MAP2K4: variants seen among roughly 807,000 people sequenced by gnomAD.
MAP2K4 encodes mitogen-activated protein kinase kinase 4.
A neutral mutation model predicts 48.5 loss-of-function variants in MAP2K4; 4 were observed. That is an observed-to-expected ratio of 0.08 (90% CI 0.04 to 0.19). The LOEUF (loss-of-function observed/expected upper bound fraction) is 0.19, where lower values mean the gene tolerates loss of function less well. MAP2K4 is among the 10% of genes least tolerant of loss of function. The pLI is 1.00. For synonymous variants in MAP2K4, 166 were observed against 173.1 expected, an observed-to-expected ratio of 0.96 and a Z score of 0.32; for missense variants, 258 against 493.3, an observed-to-expected ratio of 0.52 and a Z score of 4.52.
At chr17:12,046,499 C>A (rs1029910225) in intron 1 of MAP2K4, among the ~76,000 whole-genome samples, 2 of 152,054 alleles carry the variant, frequency 1.3e-5, no homozygotes, top group Non-Finnish European at 2.9e-5. Context: ...TTCAATTTAG[C>A]CTGTGGAATT....
intron 7 of MAP2K4, 123 bp from the exon 8 acceptor site, chr17:12,125,171 C>T (rs1207032993): frequency 1.7e-5 from 12 of 706,874 alleles, no homozygotes; most frequent in African/African-American, 5.2e-5. Flanking sequence ...TCCATTCTGA[C>T]GCTAGACATG....
intron 1 of MAP2K4, among the ~76,000 whole-genome samples, chr17:12,043,807 C>T (rs1011288745): frequency 6.6e-6 from 1 of 152,074 alleles, no homozygotes; most frequent in South Asian, 2.1e-4. Flanking sequence ...GCTCCCCGAA[C>T]CCTATTGTTA....
Position 12,020,894 on chromosome 17 carries a change from C to G in MAP2K4, c.8C>G (p.Ala3Gly), listed in dbSNP as rs2151500773. The G allele has an allele frequency of 8.3e-7, 1 of 1,209,728 alleles. No individual in the cohort carries two copies. Among genetic ancestry groups the G allele is most frequent in the Non-Finnish European group, 1.0e-6 (1 of 973,144 alleles). The allele number at this position is 1,209,728 out of a possible 1,614,324, so 74.9% of individuals were successfully genotyped here. ...GGCTCTTCACTCCCAACAATGGCGG[C>G]TCCGAGCCCGAGCGGCGGCGGCGGC... MA[A>G]PSPSGGGGSG... is the part of the protein sequence containing the mutation. Residue 3 changes from alanine to glycine, a missense_variant, in exon 1 of 11, where the codon GCT becomes GGT. Physicochemically the swap from Ala to Gly is moderately conservative, Grantham distance 60. Around this residue, in one of 3 missense-constraint regions of MAP2K4, gnomAD observed 69 missense variants for 56.2 expected, o/e 1.23. Coordinates refer to ENST00000353533, the MANE Select transcript of MAP2K4 (RefSeq NM_003010.4).
rs146476361 is a variant in MAP2K4, at chr17:12,082,932, A to G, written c.393+1402A>G. Among the ~76,000 whole-genome samples, 233 of 152,336 alleles carry G rather than the reference A, an allele frequency of 1.5e-3. 2 individuals are homozygous for G. The highest frequency in any genetic ancestry group is 3.4e-3 in the Middle Eastern group (1 of 294). ...TTTTGTGCCACTGCAGTGTAAGTGGAAAGAGTCATTTTATTTAGACTCCTG... is the reference window on the plus strand; with the variant it reads ...TTTTGTGCCACTGCAGTGTAAGTGGGAAGAGTCATTTTATTTAGACTCCTG... On this transcript the variant is annotated intron_variant, in intron 3 of 10. Transcript: ENST00000353533.
chr17:12,038,176 G>A (rs1187212670), intron 1 of MAP2K4, among the ~76,000 whole-genome samples: 4 of 152,118 alleles, frequency 2.6e-5, no homozygotes, highest in African/African-American at 9.7e-5. Flanking sequence ...CGTTTCCAGA[G>A]AGTATTCCCA....
At chr17:12,096,611 A>G (rs1185397470) in intron 4 of MAP2K4, among the ~76,000 whole-genome samples, 1 of 152,220 alleles carries the variant, frequency 6.6e-6, no homozygotes, top group African/African-American at 2.4e-5. Flanking sequence ...ATAAACTGGT[A>G]AGAAAAACCC....
chr17:12,119,031 T>C (rs1376052136), intron 7 of MAP2K4, among the ~76,000 whole-genome samples: 1 of 152,234 alleles, frequency 6.6e-6, no homozygotes, highest in East Asian at 1.9e-4. Flanking sequence ...TATTATCAAA[T>C]TAATGAAGCT....
At chr17:12,078,516 A>G (rs1189900027) in intron 2 of MAP2K4, among the ~76,000 whole-genome samples, 1 of 152,190 alleles carries the variant, frequency 6.6e-6, no homozygotes, top group East Asian at 1.9e-4. Context: ...TTGTGTTACA[A>G]ACAATCCAAT....
intron 1 of MAP2K4, among the ~76,000 whole-genome samples, chr17:12,052,041 C>T (rs1440776879): frequency 6.6e-6 from 1 of 152,028 alleles, no homozygotes; most frequent in African/African-American, 2.4e-5. Flanking sequence ...TGGGGCCTTC[C>T]TTTTCCTCCT....
rs2151561633 is a variant in MAP2K4 at position 12,095,582 on chromosome 17, G to A, written c.401G>A (p.Arg134Gln). Residue 134 changes from arginine to glutamine, a missense_variant, in exon 4 of 11, where the codon CGG becomes CAG. Around this residue, in one of 3 missense-constraint regions of MAP2K4, gnomAD observed 132 missense variants for 352.8 expected, o/e 0.37. Coordinates refer to ENST00000353533, the MANE Select transcript of MAP2K4 (RefSeq NM_003010.4). ...TTTGTCATTCTTTTCCAGAGAATTC[G>A]GTCAACAGTGGATGAAAAAGAACAA... ...SGQIMAVKRI[R>Q]STVDEKEQKQ... 1 of 1,613,506 alleles carries A rather than the reference G, an allele frequency of 6.2e-7. No individual in the cohort carries two copies. The highest frequency in any genetic ancestry group is 8.5e-7 in the Non-Finnish European group (1 of 1,179,790).
chr17:12,050,686 A>C (rs747425515), intron 1 of MAP2K4, among the ~76,000 whole-genome samples: 12 of 152,178 alleles, frequency 7.9e-5, no homozygotes, highest in Admixed American at 3.3e-4. Flanking sequence ...AGCAATGTTA[A>C]AAAGGTTTGT....
At position 12,020,926 on chromosome 17, in the gene MAP2K4, GGCGGCA is replaced by G. The variant is rs1367433209; in HGVS notation, c.53_58del (p.Ser18_Gly19del). 50 of 1,217,864 alleles carry G rather than the reference GGCGGCA, an allele frequency of 4.1e-5. No homozygotes were observed. The highest frequency in any genetic ancestry group is 1.7e-4 in the Admixed American group (4 of 23,110). The allele number at this position is 1,217,864 out of a possible 1,614,324, so 75.4% of individuals were successfully genotyped here. On this transcript the variant is annotated inframe_deletion, in exon 1 of 11. Transcript: ENST00000353533. ...CCCGAGCGGCGGCGGCGGCTCCGGG[GGCGGCA>G]GCGGCAGCGGCACCCCCGGCCCCGT...
intron 1 of MAP2K4, among the ~76,000 whole-genome samples, chr17:12,034,255 GCT>G (rs1490995211): frequency 6.6e-6 from 1 of 152,134 alleles, no homozygotes; most frequent in Non-Finnish European, 1.5e-5. Flanking sequence ...CTTCTAAATG[GCT>G]CTGTTTTTGT....
chr17:12,020,970 G>T lies in MAP2K4; in HGVS notation c.84G>T (p.Ala28=). Residue 28 remains alanine (A), a synonymous_variant, in exon 1 of 11, where the codon GCG becomes GCT. Coordinates refer to ENST00000353533, the MANE Select transcript of MAP2K4 (RefSeq NM_003010.4). ...CCCCCGGCCCCGTAGGGTCCCCGGCGCCAGGCCACCCGGCCGTCAGCAGCA... is the reference window on the plus strand; with the variant it reads ...CCCCCGGCCCCGTAGGGTCCCCGGCTCCAGGCCACCCGGCCGTCAGCAGCA... The part of the protein sequence containing the change: ...SGTPGPVGSP[A]PGHPAVSSMQ... 1 of 1,213,162 alleles carries T rather than the reference G, an allele frequency of 8.2e-7. No individual in the cohort carries two copies. The highest frequency in any genetic ancestry group is 1.6e-5 in the African/African-American group (1 of 63,628). The allele number at this position is 1,213,162 out of a possible 1,614,324, so 75.1% of individuals were successfully genotyped here. A position where few individuals can be genotyped will look rare whatever the true frequency, so the allele number is the denominator to read the frequency against.
At chr17:12,060,288 T>C (rs1284706087) in intron 2 of MAP2K4, among the ~76,000 whole-genome samples, 2 of 152,232 alleles carry the variant, frequency 1.3e-5, no homozygotes, top group Non-Finnish European at 2.9e-5. Flanking sequence ...TTAATTCTGC[T>C]CTCAATTTAG....
chr17:12,098,844 G>C (rs1329570345), intron 4 of MAP2K4, among the ~76,000 whole-genome samples: 2 of 152,002 alleles, frequency 1.3e-5, no homozygotes, highest in Non-Finnish European at 2.9e-5. Context: ...CATCCATCAA[G>C]GAGCTTATGA....
At chr17:12,130,201 A>G (rs529129185) in intron 9 of MAP2K4, among the ~76,000 whole-genome samples, 1 of 152,290 alleles carries the variant, frequency 6.6e-6, no homozygotes, top group East Asian at 1.9e-4. Context: ...TGAAAAATTT[A>G]AAAATATTTG....
At chr17:12,116,379 G>A (rs557989535) in intron 7 of MAP2K4, among the ~76,000 whole-genome samples, 65 of 152,182 alleles carry the variant, frequency 4.3e-4, no homozygotes, top group African/African-American at 1.3e-3. Flanking sequence ...TGCTACTGTA[G>A]ACTTTATAAA....
chr17:12,062,765 G>A (rs1434490105), intron 2 of MAP2K4, among the ~76,000 whole-genome samples: 2 of 152,136 alleles, frequency 1.3e-5, no homozygotes, highest in African/African-American at 4.8e-5. Flanking sequence ...TACTTTAAAA[G>A]GTTAGATGTG....
Sources: gnomAD v4.1 joint callset for allele counts (sites outside exome capture counted in the v4.1 genomes callset) on GRCh38, gnomAD v4.1.1 for gene constraint, gnomAD v4.1.1 regional missense constraint, MANE v1.5 for transcripts, NCBI Gene and HGNC (gene_info 2026-07-23, HGNC 2026-07-21) for gene names.